Variants in GPC6 observed in about 807,000 individuals in gnomAD.
GPC6 encodes the protein glypican 6.
A neutral mutation model predicts 55.2 loss-of-function variants in GPC6; 14 were observed. The observed-to-expected ratio is 0.25, with a 90% CI of 0.17 to 0.40. The LOEUF (loss-of-function observed/expected upper bound fraction) is 0.40, where lower values mean the gene tolerates loss of function less well. Among genes scored for constraint, GPC6 ranks in the 10% least tolerant of loss-of-function variants. The pLI is 1.00. For synonymous variants in GPC6, 278 were observed against 259.6 expected, an observed-to-expected ratio of 1.07 and a Z score of -0.68; for missense variants, 641 against 708.5, an observed-to-expected ratio of 0.90 and a Z score of 1.08.
At chr13:94,350,174 T>C (rs1036473649) in intron 6 of GPC6, among the ~76,000 whole-genome samples, 1 of 152,050 alleles carries the variant, frequency 6.6e-6, no homozygotes. Flanking sequence ...AGCCTGATGA[T>C]TGCATCCCAT....
At chr13:93,541,959 C>T (rs1388099978) in intron 1 of GPC6, among the ~76,000 whole-genome samples, 1 of 151,762 alleles carries the variant, frequency 6.6e-6, no homozygotes, top group Non-Finnish European at 1.5e-5. Flanking sequence ...AAAATTTTTT[C>T]CCATCTTGTA....
chr13:93,541,978 G>T (rs9301894), intron 1 of GPC6, among the ~76,000 whole-genome samples: 43,973 of 151,960 alleles, frequency 0.29, 6,567 homozygotes, highest in African/African-American at 0.35. Flanking sequence ...TAGGTTGCCT[G>T]TTCACTCTGC....
At chr13:93,592,157 T>C (rs1057329620) in intron 2 of GPC6, among the ~76,000 whole-genome samples, 4 of 151,678 alleles carry the variant, frequency 2.6e-5, no homozygotes, top group Non-Finnish European at 5.9e-5. Flanking sequence ...TTTTCTAAAA[T>C]TAATTGAATT....
At chr13:93,572,885 G>C (rs1029310577) in intron 2 of GPC6, among the ~76,000 whole-genome samples, 12 of 152,092 alleles carry the variant, frequency 7.9e-5, no homozygotes, top group Non-Finnish European at 1.6e-4. Flanking sequence ...TATAGAAGAA[G>C]AACTAAATTG....
intron 3 of GPC6, among the ~76,000 whole-genome samples, chr13:93,967,031 G>T (rs2140390209): frequency 6.6e-6 from 1 of 152,226 alleles, no homozygotes; most frequent in East Asian, 1.9e-4. Flanking sequence ...CCAAAATTTG[G>T]ATGGTAAGGC....
At chr13:93,294,665 A>C (rs1878424745) in intron 1 of GPC6, among the ~76,000 whole-genome samples, 1 of 152,160 alleles carries the variant, frequency 6.6e-6, no homozygotes, top group Non-Finnish European at 1.5e-5. Context: ...CATCCATAGC[A>C]CAGCAATGTG....
At chr13:94,160,461 A>T (rs1309621594) in intron 4 of GPC6, among the ~76,000 whole-genome samples, 1 of 152,222 alleles carries the variant, frequency 6.6e-6, no homozygotes, top group Admixed American at 6.5e-5. Flanking sequence ...CCAATTCAAA[A>T]TGAAAAATGT....
intron 4 of GPC6, among the ~76,000 whole-genome samples, chr13:94,274,093 T>C (rs1224207238): frequency 6.6e-6 from 1 of 152,212 alleles, no homozygotes; most frequent in Admixed American, 6.5e-5. Context: ...ATATATTATG[T>C]TTTTATGAAA....
chr13:93,592,684 C>T (rs1877548630), intron 2 of GPC6, among the ~76,000 whole-genome samples: 1 of 151,602 alleles, frequency 6.6e-6, no homozygotes, highest in Non-Finnish European at 1.5e-5. Flanking sequence ...TAATTTCAAA[C>T]TAAATGCCTA....
intron 4 of GPC6, among the ~76,000 whole-genome samples, chr13:94,201,693 G>A (rs559522623): frequency 6.6e-6 from 1 of 152,284 alleles, no homozygotes; most frequent in African/African-American, 2.4e-5. Context: ...GCTTACACCT[G>A]TAATCCCAGC....
At chr13:94,358,752 G>T (rs371611943) in intron 6 of GPC6, among the ~76,000 whole-genome samples, 50 of 152,234 alleles carry the variant, frequency 3.3e-4, no homozygotes, top group African/African-American at 1.2e-3. Flanking sequence ...AACCATTTTT[G>T]ATCAGGGAAA....
At chr13:94,192,222 G>A (rs1889419243) in intron 4 of GPC6, among the ~76,000 whole-genome samples, 2 of 152,252 alleles carry the variant, frequency 1.3e-5, no homozygotes, top group Non-Finnish European at 2.9e-5. Flanking sequence ...CAGATAAATG[G>A]CTCCCTACTT....
intron 4 of GPC6, among the ~76,000 whole-genome samples, chr13:94,215,278 T>C (rs1890193573): frequency 6.6e-6 from 1 of 152,152 alleles, no homozygotes; most frequent in African/African-American, 2.4e-5. Context: ...AATAAAGGGC[T>C]TCTCAACATC....
At chr13:94,294,205 A>G (rs1463699863) in intron 5 of GPC6, among the ~76,000 whole-genome samples, 1 of 152,202 alleles carries the variant, frequency 6.6e-6, no homozygotes, top group Non-Finnish European at 1.5e-5. Flanking sequence ...ATCTCACTAG[A>G]TATCATTTAA....
intron 6 of GPC6, among the ~76,000 whole-genome samples, chr13:94,345,356 G>A (rs1878234617): frequency 6.6e-6 from 1 of 152,018 alleles, no homozygotes; most frequent in Non-Finnish European, 1.5e-5. Context: ...TCTGATTTTG[G>A]GGGGGAAAAG....
intron 3 of GPC6, among the ~76,000 whole-genome samples, chr13:94,004,659 G>T (rs1453000533): frequency 1.3e-5 from 2 of 152,120 alleles, no homozygotes; most frequent in Non-Finnish European, 2.9e-5. Context: ...GGAAAACTTT[G>T]TATGTATAGT....
At position 93,227,181 on chromosome 13, in the gene GPC6, GT is replaced by G; in HGVS notation, c.-272del. On this transcript the variant is annotated 5_prime_UTR_variant, in exon 1 of 9. Transcript: ENST00000377047. The surrounding 1 kb of genome is among the most constrained non-coding windows in gnomAD (Gnocchi z 4.3). ...AACACTTCTTTTCCTTCTCTTCCTC[GT>G]TTTGATTGCACCGTTTCCATCTGGG... is the stretch of plus-strand genomic sequence containing the variant. 5.8e-6 allele frequency: 2 copies of G among 346,996 alleles called. No homozygotes were observed. The highest frequency in any genetic ancestry group is 1.0e-5 in the Non-Finnish European group (2 of 191,812). 21.5% of individuals were successfully genotyped at this position (346,996 alleles called of 1,614,324 possible).
chr13:93,579,344 A>G (rs1876822755), intron 2 of GPC6, among the ~76,000 whole-genome samples: 4 of 152,140 alleles, frequency 2.6e-5, no homozygotes, highest in Admixed American at 2.0e-4. Flanking sequence ...TTTTACATGT[A>G]CCCTGAAAAT....
intron 3 of GPC6, among the ~76,000 whole-genome samples, chr13:93,840,786 T>C (rs1887926027): frequency 6.6e-6 from 1 of 152,112 alleles, no homozygotes; most frequent in African/African-American, 2.4e-5. Context: ...TCTTTGTTAC[T>C]AATAGGGAAC....
Sources: gnomAD v4.1 joint callset for allele counts (sites outside exome capture counted in the v4.1 genomes callset) on GRCh38, gnomAD v4.1.1 for gene constraint, Gnocchi (gnomAD v3.1) non-coding constraint, MANE v1.5 for transcripts, NCBI Gene and HGNC (gene_info 2026-07-23, HGNC 2026-07-21) for gene names.